The following SLC24A2 variants were observed in gnomAD, a reference collection of about 807,000 sequenced individuals.
The protein encoded by SLC24A2 is sodium/potassium/calcium exchanger 2.
In SLC24A2, 36 loss-of-function variants were observed where a neutral mutation model predicts 62.0. The observed-to-expected ratio is 0.58, with a 90% CI of 0.44 to 0.77. SLC24A2 has a LOEUF of 0.77. Ranked by LOEUF, SLC24A2 falls within the 30% of genes least tolerant of loss-of-function variation. The pLI is 0.00. For missense variants in SLC24A2, 846 were observed against 817.9 expected (o/e 1.03, Z -0.42); for synonymous variants, 358 against 294.0 (o/e 1.22, Z -2.23).
At chr9:19,862,020 A>G in the SLC24A2 span, among the ~76,000 whole-genome samples, 108 of 152,320 alleles carry the variant, frequency 7.1e-4, 1 homozygote, top group Non-Finnish European at 1.8e-4. Context: ...AGACAAGGGT[A>G]GAAAGTTTAT....
At chr9:19,677,569 C>T (rs1410987520) in intron 2 of SLC24A2, among the ~76,000 whole-genome samples, 8 of 152,028 alleles carry the variant, frequency 5.3e-5, no homozygotes, top group Non-Finnish European at 7.4e-5. Flanking sequence ...GCATGTGTAC[C>T]CCTGACCTTA....
chr9:19,581,961 A>G (rs986393876), intron 5 of SLC24A2, among the ~76,000 whole-genome samples: 6 of 152,220 alleles, frequency 3.9e-5, no homozygotes, highest in African/African-American at 1.4e-4. Flanking sequence ...ATAGCTACAG[A>G]TATTTGTATA....
chr9:19,970,899 G>A, the SLC24A2 span, among the ~76,000 whole-genome samples: 2 of 152,086 alleles, frequency 1.3e-5, no homozygotes, highest in South Asian at 4.1e-4. Context: ...GATATGATTG[G>A]ACAGAAATAT....
the SLC24A2 span, among the ~76,000 whole-genome samples, chr9:19,857,359 A>G: frequency 6.6e-6 from 1 of 152,140 alleles, no homozygotes; most frequent in Non-Finnish European, 1.5e-5. Context: ...CCATCCCCAA[A>G]TCCTCAATTA....
chr9:19,851,527 G>A, the SLC24A2 span, among the ~76,000 whole-genome samples: 1 of 152,012 alleles, frequency 6.6e-6, no homozygotes, highest in Admixed American at 6.6e-5. Context: ...CCCTCCCTGT[G>A]TCCCTGTGTT....
the SLC24A2 span, among the ~76,000 whole-genome samples, chr9:20,266,286 C>T: frequency 1.8e-4 from 27 of 152,132 alleles, no homozygotes; most frequent in African/African-American, 4.8e-4. Flanking sequence ...ATGTCTCCCC[C>T]GGACACCCAG....
the SLC24A2 span, among the ~76,000 whole-genome samples, chr9:20,054,705 G>A: frequency 6.6e-6 from 1 of 152,188 alleles, no homozygotes; most frequent in Non-Finnish European, 1.5e-5. Flanking sequence ...TCCTAATAGG[G>A]TAAAGCTGTG....
chr9:20,033,362 T>C, the SLC24A2 span, among the ~76,000 whole-genome samples: 1 of 152,194 alleles, frequency 6.6e-6, no homozygotes, highest in African/African-American at 2.4e-5. Flanking sequence ...TGCAATGAAA[T>C]ACTTGATATG....
At chr9:19,879,934 T>G in the SLC24A2 span, among the ~76,000 whole-genome samples, 2 of 152,280 alleles carry the variant, frequency 1.3e-5, no homozygotes, top group Admixed American at 1.3e-4. Context: ...CTCTTAAACC[T>G]GGTTCTTAAC....
At chr9:20,181,090 G>A in the SLC24A2 span, among the ~76,000 whole-genome samples, 2 of 152,074 alleles carry the variant, frequency 1.3e-5, no homozygotes, top group Non-Finnish European at 2.9e-5. Flanking sequence ...GCATTCGAGA[G>A]AAAACTCCAG....
chr9:19,642,902 G>A (rs971195913), intron 2 of SLC24A2, among the ~76,000 whole-genome samples: 1 of 150,166 alleles, frequency 6.7e-6, no homozygotes, highest in Non-Finnish European at 1.5e-5. Flanking sequence ...AGATGGTCTC[G>A]ATCTCCTGAC....
At chr9:20,177,675 A>G in the SLC24A2 span, among the ~76,000 whole-genome samples, 3 of 152,176 alleles carry the variant, frequency 2.0e-5, no homozygotes, top group African/African-American at 7.2e-5. Context: ...AAGAAATTAA[A>G]TAAACAGATT....
chr9:19,809,978 A>AC, the SLC24A2 span, among the ~76,000 whole-genome samples: 3 of 151,968 alleles, frequency 2.0e-5, no homozygotes, highest in Non-Finnish European at 4.4e-5. Flanking sequence ...CCGGGTATAT[A>AC]CCCCAGACAA....
the SLC24A2 span, among the ~76,000 whole-genome samples, chr9:19,989,182 A>G: frequency 6.6e-6 from 1 of 152,170 alleles, no homozygotes; most frequent in East Asian, 1.9e-4. Context: ...CATTAACCAT[A>G]ATAACTTTAT....
chr9:19,731,854 A>G (rs1442299340), intron 2 of SLC24A2, among the ~76,000 whole-genome samples: 2 of 152,194 alleles, frequency 1.3e-5, no homozygotes, highest in Non-Finnish European at 2.9e-5. Context: ...GACCTCACAC[A>G]TACTGGAACT....
intron 4 of SLC24A2, among the ~76,000 whole-genome samples, chr9:19,615,908 C>T (rs1282706893): frequency 6.6e-6 from 1 of 151,834 alleles, no homozygotes; most frequent in Non-Finnish European, 1.5e-5. Flanking sequence ...CAAGCCCTAC[C>T]AGAAACTGAA....
At chr9:20,300,649 A>C in the SLC24A2 span, among the ~76,000 whole-genome samples, 7 of 152,194 alleles carry the variant, frequency 4.6e-5, no homozygotes, top group Non-Finnish European at 1.0e-4. Flanking sequence ...ATTTCCTTCA[A>C]AACAAGCTCC....
intron 2 of SLC24A2, among the ~76,000 whole-genome samples, chr9:19,624,016 A>T (rs891363576): frequency 6.6e-6 from 1 of 152,222 alleles, no homozygotes; most frequent in Admixed American, 6.5e-5. Context: ...GCAGAACTGG[A>T]GTGGACAGGA....
intron 8 of SLC24A2, among the ~76,000 whole-genome samples, chr9:19,548,297 G>GAAAAAAAAAAT (rs1263743415): frequency 6.6e-6 from 1 of 151,904 alleles, no homozygotes; most frequent in East Asian, 1.9e-4. Context: ...CTACTTTGTG[G>GAAAAAAAAAAT]CATCACTAAA....
Sources: gnomAD v4.1 joint callset for allele counts (sites outside exome capture counted in the v4.1 genomes callset) on GRCh38, gnomAD v4.1.1 for gene constraint, MANE v1.5 for transcripts, NCBI Gene and HGNC (gene_info 2026-07-23, HGNC 2026-07-21) for gene names.